Variants in HS6ST3 observed in about 807,000 individuals in gnomAD.
The protein encoded by HS6ST3 is heparan sulfate 6-O-sulfotransferase 3.
In HS6ST3, 12 loss-of-function variants were observed where a neutral mutation model predicts 36.7. The observed-to-expected ratio is 0.33, with a 90% CI of 0.21 to 0.53. The LOEUF is 0.53. HS6ST3 is among the 20% of genes least tolerant of loss of function. The probability of loss-of-function intolerance (pLI) is 0.95; values close to 1 mark genes in which losing one functional copy is unlikely to be tolerated. For missense variants in HS6ST3, 584 were observed against 640.9 expected (o/e 0.91, Z 0.96); for synonymous variants, 240 against 257.5 (o/e 0.93, Z 0.65).
intron 1 of HS6ST3, among the ~76,000 whole-genome samples, chr13:96,645,703 TATAA>T (rs1443086546): frequency 6.6e-6 from 1 of 151,860 alleles, no homozygotes; most frequent in Non-Finnish European, 1.5e-5. Context: ...CATTTTATTC[TATAA>T]ATAAACTTAG....
Position 96,795,196 on chromosome 13 carries a change from C to T in HS6ST3, c.708-37294C>T, listed in dbSNP as rs181181192. Among the ~76,000 whole-genome samples the T allele has an allele frequency of 1.5e-4, 23 of 152,076 alleles. No homozygotes were observed. The East Asian group carries it at 4.3e-3, about 28-fold the overall frequency. ...CTTCTTTACTGTCTTTCAAAGTACA[C>T]ATTTATACACCTACCTTTATAAGTG... On this transcript the variant is annotated intron_variant, in intron 1 of 1. Transcript: ENST00000376705.
At chr13:96,177,601 C>G (rs954220975) in intron 1 of HS6ST3, among the ~76,000 whole-genome samples, 1 of 151,206 alleles carries the variant, frequency 6.6e-6, no homozygotes, top group African/African-American at 2.4e-5. Context: ...GATATGAACC[C>G]AAAGAAGGAA....
chr13:96,458,033 G>A (rs1339306970), intron 1 of HS6ST3, among the ~76,000 whole-genome samples: 2 of 151,932 alleles, frequency 1.3e-5, no homozygotes, highest in African/African-American at 2.4e-5. Flanking sequence ...TTAGGAACCG[G>A]GGAGGAAATA....
At chr13:96,343,850 C>T (rs2055141455) in intron 1 of HS6ST3, among the ~76,000 whole-genome samples, 1 of 152,148 alleles carries the variant, frequency 6.6e-6, no homozygotes, top group African/African-American at 2.4e-5. Flanking sequence ...TCACGTGATT[C>T]TCCTGCCTCA....
intron 1 of HS6ST3, among the ~76,000 whole-genome samples, chr13:96,599,829 T>A (rs544429355): frequency 6.6e-6 from 1 of 152,116 alleles, no homozygotes; most frequent in African/African-American, 2.4e-5. Context: ...ACAACTTGTT[T>A]CACTATTGTC....
intron 1 of HS6ST3, among the ~76,000 whole-genome samples, chr13:96,708,370 T>C (rs1875479584): frequency 6.6e-6 from 1 of 152,240 alleles, no homozygotes. Context: ...ATATTAACTT[T>C]CTGTTCTTCC....
In HS6ST3 at chr13:96,450,984, A is replaced by G. The variant is rs113021687; in HGVS notation, c.707+359415A>G. Among the ~76,000 whole-genome samples the G allele has an allele frequency of 9.6e-3, 1,456 of 152,234 alleles. 9 individuals are homozygous for G. The highest frequency in any genetic ancestry group is 0.016 in the Non-Finnish European group (1,055 of 68,006). On this transcript the variant is annotated intron_variant, in intron 1 of 1. Transcript: ENST00000376705. ...CAGTTTTTGCCGTGTCAAAAGACCA[A>G]CCAATATTACAGAAGCAGATTTAGT...
intron 1 of HS6ST3, among the ~76,000 whole-genome samples, chr13:96,673,515 C>T (rs1251304755): frequency 6.6e-6 from 1 of 152,076 alleles, no homozygotes; most frequent in Non-Finnish European, 1.5e-5. Flanking sequence ...GCAATTTAAT[C>T]TATAATTTCA....
chr13:96,161,085 A>G (rs563939737), intron 1 of HS6ST3, among the ~76,000 whole-genome samples: 33 of 152,334 alleles, frequency 2.2e-4, no homozygotes, highest in Middle Eastern at 3.4e-3. Flanking sequence ...CGCAAGGTTC[A>G]TCTCTTTAAA....
intron 1 of HS6ST3, among the ~76,000 whole-genome samples, chr13:96,572,205 A>G (rs2056303287): frequency 6.6e-6 from 1 of 152,242 alleles, no homozygotes; most frequent in African/African-American, 2.4e-5. Flanking sequence ...TGGGACACAA[A>G]CTAGAAAATA....
chr13:96,307,098 C>T (rs543011654), intron 1 of HS6ST3, among the ~76,000 whole-genome samples: 2 of 152,202 alleles, frequency 1.3e-5, no homozygotes, highest in South Asian at 2.1e-4. Flanking sequence ...GGTAGTGTGC[C>T]ATTAAATTTC....
intron 1 of HS6ST3, among the ~76,000 whole-genome samples, chr13:96,514,467 A>G (rs2056063866): frequency 2.0e-5 from 3 of 152,154 alleles, no homozygotes; most frequent in Admixed American, 1.3e-4. Flanking sequence ...CTAACCTCCA[A>G]TGTGACAGTA....
chr13:96,819,409 A>C (rs1000559598), intron 1 of HS6ST3, among the ~76,000 whole-genome samples: 6 of 152,202 alleles, frequency 3.9e-5, no homozygotes, highest in African/African-American at 1.4e-4. Flanking sequence ...ATATTCTGGC[A>C]TTTCTGGCTC....
intron 1 of HS6ST3, among the ~76,000 whole-genome samples, chr13:96,617,318 G>A (rs991864091): frequency 2.6e-5 from 4 of 152,042 alleles, no homozygotes; most frequent in Non-Finnish European, 4.4e-5. Flanking sequence ...TGGCTTCTCA[G>A]TGTATTCATT....
chr13:96,301,127 A>G (rs2054879667), intron 1 of HS6ST3, among the ~76,000 whole-genome samples: 1 of 152,226 alleles, frequency 6.6e-6, no homozygotes, highest in South Asian at 2.1e-4. Flanking sequence ...CTCTGTGAAC[A>G]ACCCACATTG....
intron 1 of HS6ST3, among the ~76,000 whole-genome samples, chr13:96,667,863 C>T (rs1002578721): frequency 6.6e-6 from 1 of 152,160 alleles, no homozygotes; most frequent in Non-Finnish European, 1.5e-5. Context: ...AAAAAGCCAC[C>T]TGCATGTGCC....
At chr13:96,114,205 G>A (rs1404541435) in intron 1 of HS6ST3, among the ~76,000 whole-genome samples, 1 of 151,378 alleles carries the variant, frequency 6.6e-6, no homozygotes, top group African/African-American at 2.4e-5. Flanking sequence ...AGGCTGGACT[G>A]CAATTATGTG....
At chr13:96,592,413 T>C (rs993066969) in intron 1 of HS6ST3, among the ~76,000 whole-genome samples, 13 of 152,168 alleles carry the variant, frequency 8.5e-5, no homozygotes, top group Non-Finnish European at 1.6e-4. Context: ...ATTGGTTCAT[T>C]GTTTAGTCTT....
intron 1 of HS6ST3, among the ~76,000 whole-genome samples, chr13:96,762,630 G>A (rs1303171407): frequency 1.3e-5 from 2 of 152,178 alleles, no homozygotes; most frequent in Non-Finnish European, 2.9e-5. Context: ...TCCAGCTGGA[G>A]TCTTATTCTC....
Sources: gnomAD v4.1 joint callset for allele counts (sites outside exome capture counted in the v4.1 genomes callset) on GRCh38, gnomAD v4.1.1 for gene constraint, MANE v1.5 for transcripts, NCBI Gene and HGNC (gene_info 2026-07-23, HGNC 2026-07-21) for gene names.